The following NBPF11 variants were observed in gnomAD, a reference collection of about 807,000 sequenced individuals.
NBPF11 encodes NBPF member 11, also known as NBPF family member NBPF11.
Under a neutral mutation model 93.9 loss-of-function variants are expected in NBPF11, and 72 were observed. The ratio of observed to expected loss-of-function variants is 0.77; its 90% CI spans 0.63 to 0.93. The LOEUF (loss-of-function observed/expected upper bound fraction) is 0.93. NBPF11 is among the 40% of genes least tolerant of loss of function. NBPF11 has a pLI of 0.00. For synonymous variants in NBPF11, 224 were observed against 304.9 expected (o/e 0.73, Z 2.76); for missense variants, 705 against 802.2 (o/e 0.88, Z 1.46).
intron 12 of NBPF11, among the ~76,000 whole-genome samples, chr1:148,116,777 A>G (rs1427930423): frequency 2.0e-5 from 3 of 149,624 alleles, no homozygotes; most frequent in Non-Finnish European, 3.0e-5. Context: ...TTTGCTTCCC[A>G]TATCACTGGA....
At chr1:148,150,974 G>A (rs1175510499) in intron 1 of NBPF11, among the ~76,000 whole-genome samples, 2 of 151,916 alleles carry the variant, frequency 1.3e-5, no homozygotes, top group East Asian at 3.9e-4. Flanking sequence ...TGATCCGCCC[G>A]CGTCGGCCTC....
intron 1 of NBPF11, among the ~76,000 whole-genome samples, chr1:148,145,834 T>A (rs1553276718): frequency 6.6e-6 from 1 of 151,122 alleles, no homozygotes; most frequent in East Asian, 2.0e-4. Context: ...AAGCTGTGAT[T>A]GTACCACTGC....
chr1:148,137,214 GT>G (rs1314236696), intron 3 of NBPF11, among the ~76,000 whole-genome samples: 3 of 151,904 alleles, frequency 2.0e-5, no homozygotes, highest in Non-Finnish European at 4.4e-5. Flanking sequence ...TGTGTGGCTG[GT>G]TGGAGAAGAT....
chr1:148,122,202 A>G lies in NBPF11; in HGVS notation c.631T>C (p.Cys211Arg). ...EDSLEECAIT[C>R]SNSHGPCDSI... ...TCACAAGGGCCGTGGCTATTTGAAC[A>G]AGTGATGGCACATTCCTCCAGTGAG... The change falls in exon 9 of 24, where the codon TGT becomes CGT. Residue 211 changes from cysteine (C) to arginine (R), a missense_variant. This residue lies in a region of NBPF11 where 262 missense variants were observed against 223.1 expected (regional missense o/e 1.17). Transcript: ENST00000682118. 38 of 1,612,430 alleles carry G rather than the reference A, an allele frequency of 2.4e-5. No individual in the cohort carries two copies. In the South Asian group the frequency reaches 4.1e-4, roughly 17 times the overall value.
intron 4 of NBPF11, among the ~76,000 whole-genome samples, chr1:148,129,155 T>TTA (rs1278388842): frequency 0.012 from 1,701 of 137,852 alleles, 53 homozygotes; most frequent in East Asian, 0.042. Flanking sequence ...TGTATATATA[T>TTA]TATATATATA....
intron 15 of NBPF11, among the ~76,000 whole-genome samples, chr1:148,111,415 CAGAAGTAGGCTTCAGAA>C (rs1665235237): frequency 6.6e-6 from 1 of 152,002 alleles, no homozygotes; most frequent in South Asian, 2.1e-4. Context: ...GACGAGCTGA[CAGAAGTAGGCTTCAGAA>C]AGTCGGTAAT....
At position 148,110,299 on chromosome 1, in the gene NBPF11, G is replaced by T. The variant is rs1263397324; in HGVS notation, c.1801+79C>A. The T allele has an allele frequency of 3.0e-5, 46 of 1,547,010 alleles. 1 individual carries two copies. The highest frequency in any genetic ancestry group is 5.1e-5 in the Admixed American group (3 of 58,914). ...GTGATGGCAACTCTCAGCCCAACCA[G>T]GGGCACAAGGCCCAAAGATTATGGG... On this transcript the variant is annotated intron_variant, in intron 16 of 23. Coordinates refer to ENST00000682118, the MANE Select transcript of NBPF11 (RefSeq NM_001385469.3).
At chr1:148,120,828 C>T in intron 9 of NBPF11, 118 bp from the exon 10 acceptor site, 1 of 828,656 alleles carries the variant, frequency 1.2e-6, no homozygotes, top group East Asian at 2.5e-5. Flanking sequence ...ATGTTGTTTC[C>T]CTGGTTTCAC....
intron 20 of NBPF11, among the ~76,000 whole-genome samples, chr1:148,106,643 C>G (rs1384724633): frequency 2.1e-5 from 3 of 144,616 alleles, no homozygotes; most frequent in Non-Finnish European, 4.5e-5. Context: ...ATCTACAAAC[C>G]CTTGAGTCCA....
At chr1:148,138,023 T>C (rs1270511400) in intron 2 of NBPF11, among the ~76,000 whole-genome samples, 5,671 of 150,190 alleles carry the variant, frequency 0.038, 368 homozygotes, top group African/African-American at 0.13. Context: ...TGATCATTAT[T>C]GGGCGTTTCC....
chr1:148,108,131 G>A (rs1276267157), intron 18 of NBPF11, among the ~76,000 whole-genome samples: 1 of 148,340 alleles, frequency 6.7e-6, no homozygotes, highest in Non-Finnish European at 1.5e-5. Context: ...TCATGGTAGT[G>A]AGGATTTTAG....
At chr1:148,149,134 C>G in intron 1 of NBPF11, 1 of 1,580,870 alleles carries the variant, frequency 6.3e-7, no homozygotes, top group Non-Finnish European at 8.5e-7. Flanking sequence ...TTGGAGGCCG[C>G]GGCTGACCCT....
Position 148,127,035 on chromosome 1 carries a change from G to A in NBPF11, c.-32C>T, listed in dbSNP as rs1181797663. ...GTTTGTGGCAGAAGAGGTGGAGTCA[G>A]GGACTGGGGAGAAGAAACCCAAACA... On this transcript the variant is annotated 5_prime_UTR_variant, in exon 5 of 24. Transcript: ENST00000682118. 3.3e-6 allele frequency: 2 copies of A among 605,400 alleles called. No individual in the cohort carries two copies. Among genetic ancestry groups the A allele is most frequent in the Non-Finnish European group, 5.7e-6 (2 of 350,794 alleles). 37.5% of individuals were successfully genotyped at this position (605,400 alleles called of 1,614,324 possible). A position where few individuals can be genotyped will look rare whatever the true frequency, so the allele number is the denominator to read the frequency against.
intron 15 of NBPF11, among the ~76,000 whole-genome samples, chr1:148,112,321 A>T (rs1462945490): frequency 3.9e-5 from 4 of 103,892 alleles, no homozygotes; most frequent in Non-Finnish European, 7.2e-5. Context: ...ACCCTACAAC[A>T]GGCCCCAGTG....
chr1:148,122,871 C>A, intron 7 of NBPF11, 70 bp from the exon 8 acceptor site: 2 of 1,606,304 alleles, frequency 1.2e-6, no homozygotes, highest in Non-Finnish European at 1.7e-6. Flanking sequence ...GCCCAACGTG[C>A]ACAGAGACAT....
chr1:148,146,741 T>C, intron 1 of NBPF11: 1 of 1,612,590 alleles, frequency 6.2e-7, no homozygotes, highest in Admixed American at 1.7e-5. Flanking sequence ...ACGGTCCTCT[T>C]CTCGCACGGC....
rs1462927322 is a variant in NBPF11 at position 148,138,395 on chromosome 1, G to A, written c.-276-586C>T. On this transcript the variant is annotated intron_variant, in intron 2 of 23. Transcript: ENST00000682118. The stretch of plus-strand genomic sequence containing the variant: ...TCAGCACAGACCCTTTACGGGTGTC[G>A]GGCTGGGGGACAGTCAGGTCTTTCC... Among the ~76,000 whole-genome samples, 30 of 151,526 alleles carry A rather than the reference G, an allele frequency of 2.0e-4. No individual in the cohort carries two copies. In the East Asian group the frequency reaches 3.5e-3, roughly 18 times the overall value.
rs1190271406 is a variant in NBPF11, at chr1:148,141,017, C to T, written c.-277+2398G>A. Among the ~76,000 whole-genome samples, 69 of 152,098 alleles carry T rather than the reference C, an allele frequency of 4.5e-4. 1 individual carries two copies. Among genetic ancestry groups the T allele is most frequent in the African/African-American group, 1.6e-3 (65 of 41,352 alleles). ...CAAGTCATGAAAAGGCGTGGAGGAACTTAAACTACATAATGCTAGAAAGAA... is the reference window on the plus strand; with the variant it reads ...CAAGTCATGAAAAGGCGTGGAGGAATTTAAACTACATAATGCTAGAAAGAA... On this transcript the variant is annotated intron_variant, in intron 2 of 23. Transcript: ENST00000682118.
Position 148,126,819 on chromosome 1 carries a change from T to C in NBPF11, c.175+10A>G, listed in dbSNP as rs1553273189. The C allele has an allele frequency of 4.4e-6, 7 of 1,591,660 alleles. No individual in the cohort carries two copies. The East Asian group carries it at 6.7e-5, about 15-fold the overall frequency. The stretch of plus-strand genomic sequence containing the variant: ...CATCACTTTCATGATGGTGAGCCTA[T>C]AGATCTTACTGTATTTCTTCTGTCG... On this transcript the variant is annotated intron_variant, in intron 5 of 23. Coordinates refer to ENST00000682118, the MANE Select transcript of NBPF11 (RefSeq NM_001385469.3).
Sources: allele counts gnomAD v4.1 joint callset (sites outside exome capture counted in the v4.1 genomes callset), GRCh38; gene constraint gnomAD v4.1.1; regional missense constraint gnomAD v4.1.1; transcripts MANE v1.5; gene names NCBI Gene and HGNC (gene_info 2026-07-23, HGNC 2026-07-21).